Variants in CPT1A observed in about 807,000 individuals in gnomAD.
CPT1A encodes carnitine O-palmitoyltransferase 1, liver isoform.
CPT1A carries 64 observed loss-of-function variants against 100.8 expected under a neutral mutation model. The observed-to-expected ratio is 0.63, with a 90% confidence interval of 0.52 to 0.78. CPT1A has a LOEUF of 0.78. CPT1A is among the 30% of genes least tolerant of loss of function. CPT1A has a pLI of 0.00. For synonymous variants in CPT1A, 363 were observed against 396.0 expected (o/e 0.92, Z 0.99); for missense variants, 802 against 1,034.1 (o/e 0.78, Z 3.08).
chr11:68,780,038 C>G (rs968302643), intron 12 of CPT1A, among the ~76,000 whole-genome samples: 1 of 152,038 alleles, frequency 6.6e-6, no homozygotes, highest in African/African-American at 2.4e-5. Flanking sequence ...CAGGAAAAAC[C>G]GAGCTTCACT....
rs150792109 is a variant in CPT1A at position 68,760,225 on chromosome 11, C to T, written c.2142G>A (p.Pro714=). The T allele has an allele frequency of 9.5e-4, 1,532 of 1,604,990 alleles. 1 individual carries two copies. Among genetic ancestry groups the T allele is most frequent in the Non-Finnish European group, 1.2e-3 (1,380 of 1,175,680 alleles). Reference sequence around the variant, plus strand: ...CCTCGCCCAGCCCCGCCGCACTCACCGGTCCAAAGCCCCCTCCGCTGGACA... The same window carrying T: ...CCTCGCCCAGCCCCGCCGCACTCACTGGTCCAAAGCCCCCTCCGCTGGACA... ...EYVSSGGGFG[P]VADDGYGVSY... Residue 714 remains proline (P), a splice_region_variant and synonymous_variant, in exon 17 of 19, where the codon CCG becomes CCA. Coordinates refer to ENST00000265641, the MANE Select transcript of CPT1A (RefSeq NM_001876.4).
chr11:68,807,429 T>C (rs1372781537), intron 4 of CPT1A, 38 bp downstream of exon 4: 1 of 1,602,326 alleles, frequency 6.2e-7, no homozygotes, highest in Non-Finnish European at 8.5e-7. Context: ...AAGCCCAAAC[T>C]GTCCACCCCC....
chr11:68,805,827 C>T (rs1388688161), intron 4 of CPT1A, among the ~76,000 whole-genome samples: 2 of 152,142 alleles, frequency 1.3e-5, no homozygotes. Flanking sequence ...GCCCCAGAAA[C>T]CCAGGTTGGG....
At chr11:68,791,802 G>T (rs939985883) in intron 9 of CPT1A, among the ~76,000 whole-genome samples, 1 of 152,076 alleles carries the variant, frequency 6.6e-6, no homozygotes, top group African/African-American at 2.4e-5. Context: ...CTCCCAAAAT[G>T]CTGGGATTAC....
intron 1 of CPT1A, among the ~76,000 whole-genome samples, chr11:68,817,750 TGG>T (rs113196178): frequency 2.5e-4 from 8 of 31,520 alleles, no homozygotes; most frequent in African/African-American, 9.5e-4. Context: ...GACAGGCTGT[TGG>T]GGGGGGGTCA....
chr11:68,802,896 C>CAAAAAAAAAAAAA (rs901808584), intron 5 of CPT1A, among the ~76,000 whole-genome samples: 4 of 44,972 alleles, frequency 8.9e-5, no homozygotes, highest in Admixed American at 2.6e-4. Flanking sequence ...GACCCTGTCT[C>CAAAAAAAAAAAAA]AAAAAAAAAA....
At chr11:68,775,683 T>C (rs1855124217) in intron 12 of CPT1A, among the ~76,000 whole-genome samples, 1 of 152,214 alleles carries the variant, frequency 6.6e-6, no homozygotes, top group Non-Finnish European at 1.5e-5. Flanking sequence ...CAAGTAAACC[T>C]AAGCCAATTT....
At chr11:68,783,041 T>C (rs1314075376) in intron 10 of CPT1A, among the ~76,000 whole-genome samples, 1 of 152,042 alleles carries the variant, frequency 6.6e-6, no homozygotes, top group Non-Finnish European at 1.5e-5. Context: ...GATGAGCGCA[T>C]CTTCACCCGA....
intron 3 of CPT1A, 24 bp from the exon 4 acceptor site, chr11:68,807,662 G>A: frequency 2.5e-6 from 4 of 1,613,248 alleles, no homozygotes; most frequent in Non-Finnish European, 3.4e-6. Flanking sequence ...CCCAGACAAG[G>A]GAGGCTGTGC....
rs536690492 is a variant in CPT1A, at chr11:68,829,317, C to T, written c.-14+12458G>A. 3.3e-5 allele frequency among the ~76,000 whole-genome samples: 5 copies of T among 152,298 alleles called. No homozygotes were observed. In the East Asian group the frequency reaches 5.8e-4, roughly 18 times the overall value. The stretch of plus-strand genomic sequence containing the variant: ...CAACGGCTCTTTAATCCACGTCACC[C>T]CAGGGGCCGGCCTATCTGCAGCCCC... On this transcript the variant is annotated intron_variant, in intron 1 of 18. Transcript: ENST00000265641.
intron 11 of CPT1A, 66 bp from the exon 12 acceptor site, chr11:68,780,811 CT>C: frequency 8.7e-7 from 1 of 1,155,640 alleles, no homozygotes; most frequent in Non-Finnish European, 1.3e-6. Context: ...GACATTGCAC[CT>C]CTCTGCTTCA....
At chr11:68,763,804 G>A (rs1382973600) in intron 14 of CPT1A, among the ~76,000 whole-genome samples, 2 of 152,170 alleles carry the variant, frequency 1.3e-5, no homozygotes, top group Non-Finnish European at 2.9e-5. Flanking sequence ...CGAGCCAGCT[G>A]TTGAATGCTT....
intron 10 of CPT1A, among the ~76,000 whole-genome samples, chr11:68,784,244 A>G (rs990159303): frequency 2.0e-5 from 3 of 152,190 alleles, no homozygotes; most frequent in African/African-American, 7.2e-5. Context: ...CTAAATTAAT[A>G]AATATGCCCA....
At chr11:68,797,927 G>T (rs1290777873) in intron 6 of CPT1A, among the ~76,000 whole-genome samples, 1 of 152,262 alleles carries the variant, frequency 6.6e-6, no homozygotes, top group African/African-American at 2.4e-5. Flanking sequence ...GCAGTGAGCC[G>T]AGATCGCTCC....
intron 9 of CPT1A, among the ~76,000 whole-genome samples, chr11:68,792,621 C>T (rs1855648369): frequency 6.6e-6 from 1 of 152,218 alleles, no homozygotes; most frequent in Non-Finnish European, 1.5e-5. Context: ...TACGTGGCCA[C>T]CCTGCCCAGG....
chr11:68,767,428 A>G (rs1854839974), intron 14 of CPT1A, among the ~76,000 whole-genome samples: 1 of 152,124 alleles, frequency 6.6e-6, no homozygotes, highest in African/African-American at 2.4e-5. Flanking sequence ...ATCTCTACAA[A>G]AAACATAAAA....
intron 1 of CPT1A, among the ~76,000 whole-genome samples, chr11:68,828,557 A>G (rs1856799141): frequency 6.6e-6 from 1 of 152,172 alleles, no homozygotes; most frequent in African/African-American, 2.4e-5. Context: ...ACACCCTGCC[A>G]GACTGGGCAC....
chr11:68,796,973 A>G, intron 6 of CPT1A, 40 bp from the exon 7 acceptor site: 6 of 1,605,120 alleles, frequency 3.7e-6, no homozygotes, highest in South Asian at 1.1e-5. Context: ...CAGGCTCAGC[A>G]GGGGCCAGGC....
At chr11:68,816,189 C>T (rs760690883) in intron 1 of CPT1A, among the ~76,000 whole-genome samples, 2 of 152,234 alleles carry the variant, frequency 1.3e-5, no homozygotes, top group African/African-American at 2.4e-5. Flanking sequence ...AAGGAGCCCA[C>T]GACAGCCCTA....
Sources: allele counts gnomAD v4.1 joint callset (sites outside exome capture counted in the v4.1 genomes callset), GRCh38; gene constraint gnomAD v4.1.1; transcripts MANE v1.5; gene names NCBI Gene and HGNC (gene_info 2026-07-23, HGNC 2026-07-21).